The following GABRG3 variants were observed in gnomAD, a reference collection of about 807,000 sequenced individuals.
GABRG3 encodes gamma-aminobutyric acid receptor subunit gamma-3.
In GABRG3, 25 loss-of-function variants were observed where a neutral mutation model predicts 48.8. That is an observed-to-expected ratio of 0.51 (90% CI 0.37 to 0.72). The LOEUF is 0.72. Among genes scored for constraint, GABRG3 ranks in the 30% least tolerant of loss-of-function variants. The pLI, the probability that GABRG3 is intolerant of heterozygous loss-of-function variation, is 0.00. For synonymous variants in GABRG3, 227 were observed against 217.6 expected, an observed-to-expected ratio of 1.04 and a Z score of -0.38; for missense variants, 394 against 577.9, an observed-to-expected ratio of 0.68 and a Z score of 3.26.
At chr15:27,395,999 CA>C (rs957310315) in intron 5 of GABRG3, among the ~76,000 whole-genome samples, 81 of 152,178 alleles carry the variant, frequency 5.3e-4, no homozygotes, top group African/African-American at 1.6e-3. Context: ...TAGCTGGGAC[CA>C]CAAGTGCACA....
intron 3 of GABRG3, among the ~76,000 whole-genome samples, chr15:27,164,358 A>C (rs959621881): frequency 1.3e-5 from 2 of 152,212 alleles, no homozygotes; most frequent in African/African-American, 2.4e-5. Context: ...ACGGTAAATC[A>C]AAGTTGTCAT....
At chr15:27,529,631 G>C (rs541904043) in intron 9 of GABRG3, among the ~76,000 whole-genome samples, 1 of 151,538 alleles carries the variant, frequency 6.6e-6, no homozygotes, top group African/African-American at 2.4e-5. Flanking sequence ...CAGAACGTTA[G>C]TGGGCAAATC....
intron 4 of GABRG3, among the ~76,000 whole-genome samples, chr15:27,327,662 T>C (rs1893661636): frequency 6.6e-6 from 1 of 152,184 alleles, no homozygotes; most frequent in African/African-American, 2.4e-5. Context: ...GCACAGGGAC[T>C]GGATGGTCCC....
chr15:27,289,758 G>GTCC (rs1891736761), intron 3 of GABRG3, among the ~76,000 whole-genome samples: 2 of 152,168 alleles, frequency 1.3e-5, no homozygotes, highest in Non-Finnish European at 2.9e-5. Flanking sequence ...CTGGAATTAT[G>GTCC]TATGTGTTAA....
chr15:27,534,829 C>T lies in GABRG3; in HGVS notation c.*1948C>T, dbSNP rs968155550. The T allele has an allele frequency of 3.3e-5, 5 of 152,152 alleles. No individual in the cohort carries two copies. The highest frequency in any genetic ancestry group is 1.2e-4 in the African/African-American group (5 of 41,436). The allele number at this position is 152,152 out of a possible 1,614,324, so 9.4% of individuals were successfully genotyped here. On this transcript the variant is annotated 3_prime_UTR_variant, in exon 10 of 10. Coordinates refer to ENST00000615808, the MANE Select transcript of GABRG3 (RefSeq NM_033223.5). ...ATTTCCAAAGATGGAGTCTATACAG[C>T]GTGAGACATTCAAACCCATTGTTTC...
At chr15:27,494,730 G>T (rs10152410) in intron 6 of GABRG3, among the ~76,000 whole-genome samples, 1 of 151,624 alleles carries the variant, frequency 6.6e-6, no homozygotes, top group African/African-American at 2.4e-5. Flanking sequence ...TATCTTTTTG[G>T]GGGGGCCGGT....
At chr15:27,417,254 T>C (rs906471446) in intron 5 of GABRG3, among the ~76,000 whole-genome samples, 1 of 152,204 alleles carries the variant, frequency 6.6e-6, no homozygotes, top group Non-Finnish European at 1.5e-5. Flanking sequence ...TTTCTAATTA[T>C]CTCAAAATTG....
In GABRG3 at chr15:27,537,470, C is replaced by G. The variant is rs938089558; in HGVS notation, c.*4589C>G. 7.9e-5 allele frequency: 12 copies of G among 152,098 alleles called. No homozygotes were observed. Among genetic ancestry groups the G allele is most frequent in the African/African-American group, 2.9e-4 (12 of 41,412 alleles). 9.4% of individuals were successfully genotyped at this position (152,098 alleles called of 1,614,324 possible). On this transcript the variant is annotated 3_prime_UTR_variant, in exon 10 of 10. Transcript: ENST00000615808. ...TCTATGTTTGTGTTCTCTGTGTAAT[C>G]ACATGAAAGAACCAACAAATAACTC...
intron 3 of GABRG3, among the ~76,000 whole-genome samples, chr15:27,308,154 A>T (rs1235753244): frequency 0.38 from 33,257 of 86,676 alleles, 11,234 homozygotes; most frequent in Non-Finnish European, 0.51. Flanking sequence ...ACATCCAAAC[A>T]TATATAAACA....
At chr15:27,528,775 C>A (rs1891346111) in intron 9 of GABRG3, among the ~76,000 whole-genome samples, 1 of 151,890 alleles carries the variant, frequency 6.6e-6, no homozygotes, top group Non-Finnish European at 1.5e-5. Flanking sequence ...TATTTTTTAA[C>A]TTTCATTAGT....
rs111864321 is a variant in GABRG3 at position 27,501,208 on chromosome 15, C to T, written c.713-18764C>T. On this transcript the variant is annotated intron_variant, in intron 6 of 9. Coordinates refer to ENST00000615808, the MANE Select transcript of GABRG3 (RefSeq NM_033223.5). ...CCTCGTGATCTGCCCACCTTGGCCTCCCAAAGTGCTAGGATTACAGGCGTG... is the reference window on the plus strand; with the variant it reads ...CCTCGTGATCTGCCCACCTTGGCCTTCCAAAGTGCTAGGATTACAGGCGTG... 3.1e-3 allele frequency among the ~76,000 whole-genome samples: 469 copies of T among 152,250 alleles called. 6 individuals are homozygous for T. The highest frequency in any genetic ancestry group is 0.011 in the African/African-American group (438 of 41,542).
At chr15:27,142,092 A>T (rs1051150397) in intron 3 of GABRG3, among the ~76,000 whole-genome samples, 1 of 152,230 alleles carries the variant, frequency 6.6e-6, no homozygotes, top group South Asian at 2.1e-4. Context: ...TTGAATTTAC[A>T]TTCAGTATTT....
intron 2 of GABRG3, among the ~76,000 whole-genome samples, chr15:26,998,166 C>A (rs1895375077): frequency 6.6e-6 from 1 of 152,150 alleles, no homozygotes; most frequent in Non-Finnish European, 1.5e-5. Flanking sequence ...TTCTCTGGTT[C>A]TGTCTGTTAA....
chr15:27,530,261 C>T (rs566568545), intron 9 of GABRG3, among the ~76,000 whole-genome samples: 22 of 152,114 alleles, frequency 1.4e-4, no homozygotes, highest in Non-Finnish European at 2.8e-4. Flanking sequence ...CCAGGAAGCA[C>T]GGTGCTCTGG....
chr15:27,181,857 A>G (rs989391710), intron 3 of GABRG3, among the ~76,000 whole-genome samples: 14 of 152,092 alleles, frequency 9.2e-5, no homozygotes, highest in African/African-American at 3.4e-4. Flanking sequence ...TCTACCAGAT[A>G]CTTAGCAATC....
chr15:27,129,417 T>C (rs940439873), intron 3 of GABRG3, among the ~76,000 whole-genome samples: 2 of 152,240 alleles, frequency 1.3e-5, no homozygotes, highest in Non-Finnish European at 2.9e-5. Flanking sequence ...TCATTATGTG[T>C]ATATGCCATA....
chr15:27,223,910 A>T (rs1183117148), intron 3 of GABRG3, among the ~76,000 whole-genome samples: 2 of 152,164 alleles, frequency 1.3e-5, no homozygotes, highest in Non-Finnish European at 2.9e-5. Flanking sequence ...CTTTGAGATA[A>T]ATTTCAGAAC....
intron 5 of GABRG3, among the ~76,000 whole-genome samples, chr15:27,435,341 G>A (rs8033747): frequency 2.0e-5 from 3 of 151,616 alleles, no homozygotes; most frequent in South Asian, 2.1e-4. Flanking sequence ...TTTTTAAGCC[G>A]TTTTGGGCCG....
chr15:27,309,659 A>G (rs1478304824), intron 3 of GABRG3, among the ~76,000 whole-genome samples: 5 of 152,100 alleles, frequency 3.3e-5, no homozygotes, highest in Non-Finnish European at 7.4e-5. Context: ...AAAATTGCTG[A>G]CAAGAGCAAG....
Sources: gnomAD v4.1 joint callset for allele counts (sites outside exome capture counted in the v4.1 genomes callset) on GRCh38, gnomAD v4.1.1 for gene constraint, MANE v1.5 for transcripts, NCBI Gene and HGNC (gene_info 2026-07-23, HGNC 2026-07-21) for gene names.